Variants in GPC5 observed in about 807,000 individuals in gnomAD.
GPC5 encodes the protein glypican-5.
Under a neutral mutation model 53.9 loss-of-function variants are expected in GPC5, and 47 were observed. The ratio of observed to expected loss-of-function variants is 0.87; its 90% CI spans 0.69 to 1.11. GPC5 has a LOEUF of 1.11. Among genes scored for constraint, GPC5 ranks in the 50% most tolerant of loss-of-function variants. The pLI is 0.00. For missense variants in GPC5, 748 were observed against 713.1 expected (o/e 1.05, Z -0.56); for synonymous variants, 286 against 263.3 (o/e 1.09, Z -0.84).
chr13:92,205,905 G>T (rs2042330654), intron 7 of GPC5, among the ~76,000 whole-genome samples: 1 of 151,824 alleles, frequency 6.6e-6, no homozygotes, highest in African/African-American at 2.4e-5. Context: ...AAATTAGGGT[G>T]ATGGCACATG....
intron 6 of GPC5, among the ~76,000 whole-genome samples, chr13:92,073,028 T>A (rs773508083): frequency 9.0e-6 from 1 of 110,630 alleles, no homozygotes; most frequent in African/African-American, 3.0e-5. Context: ...TCATCTTACT[T>A]AAACCTACCT....
intron 7 of GPC5, among the ~76,000 whole-genome samples, chr13:92,221,048 T>G (rs913740090): frequency 6.6e-6 from 1 of 152,248 alleles, no homozygotes; most frequent in East Asian, 1.9e-4. Flanking sequence ...CCTGTCTGGA[T>G]AGAAAACACC....
At chr13:91,488,403 T>C (rs903930676) in intron 2 of GPC5, among the ~76,000 whole-genome samples, 1 of 152,202 alleles carries the variant, frequency 6.6e-6, no homozygotes, top group Non-Finnish European at 1.5e-5. Flanking sequence ...GAGTTTCAGT[T>C]AGGTCCTATG....
chr13:92,560,855 A>ATG lies in GPC5; in HGVS notation c.1562-305426_1562-305425insGT, dbSNP rs1413113972. 5.3e-3 allele frequency among the ~76,000 whole-genome samples: 458 copies of ATG among 86,654 alleles called. 1 individual carries two copies. Among genetic ancestry groups the ATG allele is most frequent in the African/African-American group, 0.014 (418 of 29,888 alleles). 56.8% of individuals were successfully genotyped at this position (86,654 alleles called of 152,430 possible). ...ATAAATGTTAGAGAAATAGAAAATT[A>ATG]TATGTGTGTGTGTGTGTGTGTGTGT... is the stretch of plus-strand genomic sequence containing the variant. On this transcript the variant is annotated intron_variant, in intron 7 of 7. Transcript: ENST00000377067.
At chr13:92,150,537 G>A (rs929075226) in intron 7 of GPC5, among the ~76,000 whole-genome samples, 4 of 151,858 alleles carry the variant, frequency 2.6e-5, no homozygotes, top group African/African-American at 9.7e-5. Context: ...TAACAATATT[G>A]TATAATGGAA....
At chr13:92,376,184 T>C (rs1490168714) in intron 7 of GPC5, among the ~76,000 whole-genome samples, 1 of 152,204 alleles carries the variant, frequency 6.6e-6, no homozygotes, top group Non-Finnish European at 1.5e-5. Context: ...ATAATTTCCA[T>C]TCATCCTTTT....
chr13:91,775,439 C>A (rs775245329), intron 5 of GPC5, among the ~76,000 whole-genome samples: 1 of 152,114 alleles, frequency 6.6e-6, no homozygotes, highest in African/African-American at 2.4e-5. Flanking sequence ...TAATTCCCCA[C>A]GTAGATGATT....
intron 7 of GPC5, among the ~76,000 whole-genome samples, chr13:92,756,952 G>A (rs1874907148): frequency 6.6e-6 from 1 of 151,882 alleles, no homozygotes; most frequent in Non-Finnish European, 1.5e-5. Context: ...AGCTACCAAT[G>A]CCTTTCTTCA....
intron 7 of GPC5, among the ~76,000 whole-genome samples, chr13:92,412,940 A>G (rs1876113702): frequency 6.6e-6 from 1 of 152,212 alleles, no homozygotes; most frequent in South Asian, 2.1e-4. Flanking sequence ...AAATCTCCTA[A>G]GTATCTTCAT....
chr13:91,642,515 AATG>A (rs1226004077), intron 2 of GPC5, among the ~76,000 whole-genome samples: 1 of 152,150 alleles, frequency 6.6e-6, no homozygotes, highest in Non-Finnish European at 1.5e-5. Flanking sequence ...GTGTTTCAAG[AATG>A]ATGATGAGAT....
intron 1 of GPC5, among the ~76,000 whole-genome samples, chr13:91,405,404 T>C (rs990646796): frequency 6.6e-6 from 1 of 152,210 alleles, no homozygotes; most frequent in Non-Finnish European, 1.5e-5. Flanking sequence ...CTTGTCCTCG[T>C]TGAAAACCAC....
rs1261792173 is a variant in GPC5, at chr13:92,381,847, G to GATATATGAATATATAT, written c.1561+236860_1561+236861insATATGAATATATATAT. On this transcript the variant is annotated intron_variant, in intron 7 of 7. Transcript: ENST00000377067. Reference sequence around the variant, plus strand: ...TAATCATATATATTATATTGTATATGATCATATATGATTATATATATCATA... The same window carrying GATATATGAATATATAT: ...TAATCATATATATTATATTGTATATGATATATGAATATATATATCATATATGATTATATATATCATA... Among the ~76,000 whole-genome samples the GATATATGAATATATAT allele has an allele frequency of 1.3e-4, 15 of 119,594 alleles. 1 individual carries two copies. Among genetic ancestry groups the GATATATGAATATATAT allele is most frequent in the African/African-American group, 4.7e-4 (15 of 32,210 alleles). 78.5% of individuals were successfully genotyped at this position (119,594 alleles called of 152,430 possible).
chr13:92,549,965 T>C (rs1481123795), intron 7 of GPC5, among the ~76,000 whole-genome samples: 1 of 151,750 alleles, frequency 6.6e-6, no homozygotes, highest in Non-Finnish European at 1.5e-5. Flanking sequence ...GCTATTTATC[T>C]GTAACATATA....
intron 5 of GPC5, among the ~76,000 whole-genome samples, chr13:91,855,531 A>C (rs1194612939): frequency 6.6e-6 from 1 of 151,702 alleles, no homozygotes; most frequent in Non-Finnish European, 1.5e-5. Flanking sequence ...TTCTAAATGG[A>C]TATGTGAATG....
At chr13:91,868,780 G>A (rs904860279) in intron 5 of GPC5, among the ~76,000 whole-genome samples, 12 of 152,014 alleles carry the variant, frequency 7.9e-5, no homozygotes, top group Non-Finnish European at 1.2e-4. Flanking sequence ...GGGAAGTGGG[G>A]TATTTATGTA....
intron 7 of GPC5, among the ~76,000 whole-genome samples, chr13:92,611,822 G>C (rs1159336718): frequency 1.3e-5 from 2 of 152,030 alleles, no homozygotes; most frequent in Non-Finnish European, 2.9e-5. Flanking sequence ...CATGGTTTTG[G>C]TGAATATTTT....
intron 7 of GPC5, among the ~76,000 whole-genome samples, chr13:92,150,786 A>C (rs1467139685): frequency 6.6e-6 from 1 of 151,980 alleles, no homozygotes; most frequent in Non-Finnish European, 1.5e-5. Flanking sequence ...GTTCTGTAAT[A>C]TGTCATAACT....
intron 7 of GPC5, among the ~76,000 whole-genome samples, chr13:92,718,912 A>AG (rs1761872847): frequency 6.7e-6 from 1 of 148,176 alleles, no homozygotes; most frequent in Non-Finnish European, 1.5e-5. Flanking sequence ...AAAAAAAAAA[A>AG]TTGTTAAAAA....
intron 6 of GPC5, among the ~76,000 whole-genome samples, chr13:91,970,762 T>C (rs1424610253): frequency 6.6e-6 from 1 of 152,232 alleles, no homozygotes. Context: ...ATATACTGGA[T>C]TACATTTATT....
Sources: gnomAD v4.1 joint callset for allele counts (sites outside exome capture counted in the v4.1 genomes callset) on GRCh38, gnomAD v4.1.1 for gene constraint, MANE v1.5 for transcripts, NCBI Gene and HGNC (gene_info 2026-07-23, HGNC 2026-07-21) for gene names.